Variants in GPC5 observed in about 807,000 individuals in gnomAD.
GPC5 encodes glypican-5.
A neutral mutation model predicts 53.9 loss-of-function variants in GPC5; 47 were observed. The ratio of observed to expected loss-of-function variants is 0.87; its 90% CI spans 0.69 to 1.11. GPC5 has a LOEUF of 1.11. GPC5 is among the 50% of genes most tolerant of loss of function. The probability of loss-of-function intolerance (pLI) is 0.00; values close to 1 mark genes in which losing one functional copy is unlikely to be tolerated. For synonymous variants in GPC5, 286 were observed against 263.3 expected, an observed-to-expected ratio of 1.09 and a Z score of -0.84; for missense variants, 748 against 713.1, an observed-to-expected ratio of 1.05 and a Z score of -0.56.
chr13:91,688,655 A>T (rs2035674495), intron 2 of GPC5, among the ~76,000 whole-genome samples: 1 of 152,148 alleles, frequency 6.6e-6, no homozygotes, highest in Non-Finnish European at 1.5e-5. Context: ...GTTTGGAGAA[A>T]TACATCATTA....
intron 1 of GPC5, among the ~76,000 whole-genome samples, chr13:91,414,518 C>T (rs759989379): frequency 6.6e-6 from 1 of 152,132 alleles, no homozygotes; most frequent in African/African-American, 2.4e-5. Flanking sequence ...CTAAACTGTT[C>T]ACACTTTAAG....
At chr13:92,748,311 T>TTTCTTATTATTATTA (rs535585731) in intron 7 of GPC5, among the ~76,000 whole-genome samples, 1 of 142,352 alleles carries the variant, frequency 7.0e-6, no homozygotes, top group Admixed American at 7.2e-5. Flanking sequence ...TGCATTTTAT[T>TTTCTTATTATTATTA]TTATTATTAT....
Position 91,448,831 on chromosome 13 carries a change from G to T in GPC5, c.234G>T (p.Gln78His). The change falls in exon 2 of 8, where the codon CAG becomes CAT. Residue 78 changes from glutamine (Q) to histidine (H), a missense_variant. Physicochemically the swap from Gln to His is conservative, Grantham distance 24. Transcript: ENST00000377067. ...CCTRKMEERY[Q>H]IAARQDMQQF... ...CCAGGAAGATGGAGGAGAGATATCA[G>T]ATTGCGGCTCGCCAGGATATGCAGC... The T allele has an allele frequency of 1.2e-6, 2 of 1,613,784 alleles. No homozygotes were observed. Among genetic ancestry groups the T allele is most frequent in the Admixed American group, 3.3e-5 (2 of 59,964 alleles).
intron 5 of GPC5, among the ~76,000 whole-genome samples, chr13:91,829,799 G>A (rs1204555081): frequency 1.3e-5 from 2 of 152,048 alleles, no homozygotes; most frequent in African/African-American, 4.8e-5. Flanking sequence ...CATAAAACCA[G>A]CAAGTTTTTA....
At chr13:92,375,473 A>G (rs781499675) in intron 7 of GPC5, among the ~76,000 whole-genome samples, 5 of 152,210 alleles carry the variant, frequency 3.3e-5, no homozygotes, top group Admixed American at 6.5e-5. Flanking sequence ...GACATACAAT[A>G]AGTAAAACCT....
chr13:92,144,374 G>A (rs974228682), intron 6 of GPC5, among the ~76,000 whole-genome samples: 16 of 152,176 alleles, frequency 1.1e-4, no homozygotes, highest in Middle Eastern at 3.4e-3. Context: ...CTAAAATTCT[G>A]GATTTCTTTA....
At chr13:92,822,709 C>A (rs191859459) in intron 7 of GPC5, among the ~76,000 whole-genome samples, 32 of 152,102 alleles carry the variant, frequency 2.1e-4, no homozygotes, top group Non-Finnish European at 4.0e-4. Context: ...GGATAAAGTA[C>A]CTGTATTTTT....
intron 7 of GPC5, among the ~76,000 whole-genome samples, chr13:92,861,193 C>T (rs1879169455): frequency 6.6e-6 from 1 of 152,014 alleles, no homozygotes; most frequent in African/African-American, 2.4e-5. Flanking sequence ...AATTCCCTAC[C>T]AATTGGCACT....
chr13:91,765,511 T>G (rs924274314), intron 5 of GPC5, among the ~76,000 whole-genome samples: 1 of 152,212 alleles, frequency 6.6e-6, no homozygotes, highest in Non-Finnish European at 1.5e-5. Flanking sequence ...TTGGAAGTGG[T>G]GCAGAGAAGA....
chr13:92,274,445 G>A (rs972756305), intron 7 of GPC5, among the ~76,000 whole-genome samples: 2 of 152,018 alleles, frequency 1.3e-5, no homozygotes, highest in Admixed American at 1.3e-4. Flanking sequence ...CCCTTCTCCT[G>A]AGTAACTCGT....
intron 7 of GPC5, among the ~76,000 whole-genome samples, chr13:92,547,819 CTTTTTTTT>C (rs567478017): frequency 1.0e-4 from 10 of 100,440 alleles, no homozygotes; most frequent in African/African-American, 3.6e-4. Flanking sequence ...GCCTATTATT[CTTTTTTTT>C]TTTTTTTTTT....
At chr13:92,482,286 C>G (rs979841373) in intron 7 of GPC5, among the ~76,000 whole-genome samples, 2 of 152,212 alleles carry the variant, frequency 1.3e-5, no homozygotes, top group African/African-American at 4.8e-5. Flanking sequence ...CTGTTTTAAT[C>G]TAACAACATC....
intron 7 of GPC5, among the ~76,000 whole-genome samples, chr13:92,270,411 C>T (rs1333740704): frequency 1.3e-5 from 2 of 152,158 alleles, no homozygotes; most frequent in Admixed American, 1.3e-4. Context: ...AGCACCTCCA[C>T]ACCTCTCTCT....
At chr13:92,585,007 C>G (rs1883492515) in intron 7 of GPC5, among the ~76,000 whole-genome samples, 1 of 151,968 alleles carries the variant, frequency 6.6e-6, no homozygotes, top group African/African-American at 2.4e-5. Flanking sequence ...CAAAAGTTTG[C>G]TGGTGGAGGG....
Position 91,524,847 on chromosome 13 carries a change from C to A in GPC5, c.325+75925C>A, listed in dbSNP as rs1233024154. 2.6e-5 allele frequency among the ~76,000 whole-genome samples: 4 copies of A among 152,294 alleles called. No homozygotes were observed. The East Asian group carries it at 5.8e-4, about 22-fold the overall frequency. On this transcript the variant is annotated intron_variant, in intron 2 of 7. Coordinates refer to ENST00000377067, the MANE Select transcript of GPC5 (RefSeq NM_004466.6). ...GAAATGAATATTTGTTTCATTAAAT[C>A]CCTGTTCCCATTTTCTTTATAAAGG...
At chr13:91,982,821 C>A (rs2040371140) in intron 6 of GPC5, among the ~76,000 whole-genome samples, 1 of 152,036 alleles carries the variant, frequency 6.6e-6, no homozygotes. Flanking sequence ...GAGAATTATT[C>A]CATTAGAGTT....
chr13:92,060,081 A>G (rs1346998026), intron 6 of GPC5: 2 of 152,018 alleles, frequency 1.3e-5, no homozygotes, highest in African/African-American at 4.8e-5. Flanking sequence ...TTAATATTAT[A>G]AATACATTTG....
At chr13:91,487,778 T>C (rs1217766818) in intron 2 of GPC5, among the ~76,000 whole-genome samples, 1 of 152,222 alleles carries the variant, frequency 6.6e-6, no homozygotes, top group Non-Finnish European at 1.5e-5. Flanking sequence ...AAAGCTTGTC[T>C]TTAGGATTCC....
chr13:92,420,229 GATTC>G (rs764853684), intron 7 of GPC5, among the ~76,000 whole-genome samples: 6 of 151,950 alleles, frequency 3.9e-5, no homozygotes, highest in Admixed American at 1.3e-4. Flanking sequence ...AATTATTTTT[GATTC>G]ATTCATTTCA....
Sources: gnomAD v4.1 joint callset for allele counts (sites outside exome capture counted in the v4.1 genomes callset) on GRCh38, gnomAD v4.1.1 for gene constraint, MANE v1.5 for transcripts, NCBI Gene and HGNC (gene_info 2026-07-23, HGNC 2026-07-21) for gene names.